Variants in DAAM2 observed in about 807,000 individuals in gnomAD.
The protein encoded by DAAM2 is dishevelled associated activator of morphogenesis 2, also known as disheveled-associated activator of morphogenesis 2.
A neutral mutation model predicts 120.7 loss-of-function variants in DAAM2; 39 were observed. The ratio of observed to expected loss-of-function variants is 0.32; its 90% CI spans 0.25 to 0.42. DAAM2 has a LOEUF of 0.42. DAAM2 is among the 10% of genes least tolerant of loss of function. DAAM2 has a pLI of 1.00. For synonymous variants in DAAM2, 488 were observed against 524.9 expected (o/e 0.93, Z 0.96); for missense variants, 1,283 against 1,401.7 (o/e 0.92, Z 1.35).
rs765416651 is a variant in DAAM2 at position 39,898,911 on chromosome 6, A to C, written c.2653A>C (p.Arg885=). ...ACTGGAGAAGGAGGTGGGCAACCTC[A>C]GGAGGGGCCTGAGAGCGGTGGAGGT... ...AELEKEVGNL[R]RGLRAVEVEL... Residue 885 remains arginine (R), a synonymous_variant, in exon 22 of 25, where the codon AGG becomes CGG. Transcript: ENST00000274867. The C allele has an allele frequency of 1.2e-5, 19 of 1,612,784 alleles. No homozygotes were observed. Among genetic ancestry groups the C allele is most frequent in the Non-Finnish European group, 1.6e-5 (19 of 1,179,520 alleles).
intron 15 of DAAM2, chr6:39,885,778 T>C (rs568239261): frequency 6.6e-6 from 1 of 152,372 alleles, no homozygotes; most frequent in South Asian, 2.1e-4. Context: ...CAGTTGGTTG[T>C]GGGGCAGGGG....
intron 1 of DAAM2, among the ~76,000 whole-genome samples, chr6:39,808,268 C>A (rs771767678): frequency 6.6e-6 from 1 of 152,250 alleles, no homozygotes; most frequent in South Asian, 2.1e-4. Flanking sequence ...AATTCTGGAG[C>A]CTTCTTTCTC....
intron 4 of DAAM2, 61 bp downstream of exon 4, chr6:39,864,568 TCCCCCAG>T: frequency 7.2e-7 from 1 of 1,398,160 alleles, no homozygotes; most frequent in Non-Finnish European, 9.9e-7. Context: ...AGGGAGTGAT[TCCCCCAG>T]CCCCCACCCC....
chr6:39,875,437 G>A lies in DAAM2; in HGVS notation c.1270G>A (p.Glu424Lys), dbSNP rs1200933772. The A allele has an allele frequency of 1.2e-6, 2 of 1,613,748 alleles. No homozygotes were observed. Among genetic ancestry groups the A allele is most frequent in the Admixed American group, 3.3e-5 (2 of 59,992 alleles). The change falls in exon 11 of 25, where the codon GAG becomes AAG. Residue 424 changes from glutamate to lysine, a missense_variant. Glu to Lys is a moderately conservative substitution (Grantham distance 56). Coordinates refer to ENST00000274867, the MANE Select transcript of DAAM2 (RefSeq NM_001201427.2). ...TGTGGACCCTGACCTGGCTCCCTTG[G>A]AGAACTTCAATGTCAAGAACATCGT... ...RGVDPDLAPL[E>K]NFNVKNIVNM... is the part of the protein sequence containing the mutation.
chr6:39,886,103 C>A, intron 15 of DAAM2: 1 of 294,250 alleles, frequency 3.4e-6, no homozygotes, highest in Non-Finnish European at 6.3e-6. Context: ...AAAGGAAGAA[C>A]AGGCAGCAAA....
chr6:39,875,276 G>A (rs1175843881), intron 10 of DAAM2, 54 bp from the exon 11 acceptor site: 3 of 1,579,696 alleles, frequency 1.9e-6, no homozygotes, highest in Non-Finnish European at 2.6e-6. Flanking sequence ...TCTAGGGTGG[G>A]GCCCAAGGGG....
In DAAM2 at chr6:39,856,325, A is replaced by C. The variant is rs201680252; in HGVS notation, c.23A>C (p.His8Pro). The C allele has an allele frequency of 6.7e-5, 103 of 1,547,576 alleles. No individual in the cohort carries two copies. Among genetic ancestry groups the C allele is most frequent in the Non-Finnish European group, 8.5e-5 (97 of 1,147,170 alleles). ...ACCATGGCCCCCCGCAAGAGGAGCC[A>C]CCATGGCCTGGGCTTCCTGTGCTGC... Reference protein sequence around the residue: MAPRKRSHHGLGFLCCFG... With the variant: MAPRKRSPHGLGFLCCFG... Residue 8 changes from histidine (H) to proline (P), a missense_variant, in exon 2 of 25, where the codon CAC becomes CCC. His to Pro is a moderately conservative substitution (Grantham distance 77). Transcript: ENST00000274867.
chr6:39,881,239 AG>A (rs11323047), intron 14 of DAAM2, among the ~76,000 whole-genome samples: 75,937 of 151,868 alleles, frequency 0.5, 19,625 homozygotes, highest in South Asian at 0.61. Context: ...TAGACTGGAG[AG>A]TGTGGGTTTG....
At chr6:39,877,179 G>A (rs1219265469) in intron 11 of DAAM2, among the ~76,000 whole-genome samples, 2 of 152,204 alleles carry the variant, frequency 1.3e-5, no homozygotes, top group African/African-American at 4.8e-5. Flanking sequence ...CCCTTGCACA[G>A]GACTGTGAAA....
intron 1 of DAAM2, among the ~76,000 whole-genome samples, chr6:39,807,376 A>C (rs559779543): frequency 6.6e-6 from 1 of 152,226 alleles, no homozygotes; most frequent in African/African-American, 2.4e-5. Context: ...TAAAGCATAA[A>C]ATTATGTTTG....
chr6:39,879,158 AT>A lies in DAAM2; in HGVS notation c.1546-15del, dbSNP rs1417463174. On this transcript the variant is annotated intron_variant, in intron 13 of 24. Coordinates refer to ENST00000274867, the MANE Select transcript of DAAM2 (RefSeq NM_001201427.2). ...CGGTGCTGATGGCTTTGTCCTTGCA[AT>A]TTTTCTGTTTCCTCACAGACAGGCC... 24 of 1,513,504 alleles carry A rather than the reference AT, an allele frequency of 1.6e-5. No individual in the cohort carries two copies. Among genetic ancestry groups the A allele is most frequent in the Non-Finnish European group, 2.1e-5 (24 of 1,125,632 alleles). 93.8% of individuals were successfully genotyped at this position (1,513,504 alleles called of 1,614,324 possible). A position where few individuals can be genotyped will look rare whatever the true frequency, so the allele number is the denominator to read the frequency against.
At chr6:39,898,745 A>G (rs1766283099) in intron 21 of DAAM2, 132 bp from the exon 22 acceptor site, 1 of 753,472 alleles carries the variant, frequency 1.3e-6, no homozygotes, top group African/African-American at 1.7e-5. Flanking sequence ...CAATGGCCAC[A>G]CCAGGGCTGG....
At position 39,897,155 on chromosome 6, in the gene DAAM2, G is replaced by T; in HGVS notation, c.2511-20G>T. 3 of 1,594,136 alleles carry T rather than the reference G, an allele frequency of 1.9e-6. No individual in the cohort carries two copies. In the South Asian group the frequency reaches 3.3e-5, roughly 18 times the overall value. On this transcript the variant is annotated intron_variant, in intron 20 of 24. Coordinates refer to ENST00000274867, the MANE Select transcript of DAAM2 (RefSeq NM_001201427.2). ...CCAGTTTCCTCTGTCACTTACCACT[G>T]ACCTGACTTTCATCCACAGAAACAT... is the stretch of plus-strand genomic sequence containing the variant.
At chr6:39,875,218 C>T in intron 10 of DAAM2, 112 bp from the exon 11 acceptor site, 1 of 1,173,572 alleles carries the variant, frequency 8.5e-7, no homozygotes. Flanking sequence ...GGGAGCTTAC[C>T]ATAGGTGGAG....
intron 1 of DAAM2, chr6:39,821,107 T>G (rs539328791): frequency 1.3e-5 from 2 of 152,394 alleles, no homozygotes; most frequent in East Asian, 3.9e-4. Context: ...TTATCCTCCC[T>G]TGCTCCTTCC....
intron 11 of DAAM2, among the ~76,000 whole-genome samples, chr6:39,876,619 C>G (rs1764878075): frequency 6.6e-6 from 1 of 152,056 alleles, no homozygotes; most frequent in Non-Finnish European, 1.5e-5. Context: ...ACTAGGAGGA[C>G]TAAAATCATG....
At chr6:39,808,711 A>G (rs1326818185) in intron 1 of DAAM2, among the ~76,000 whole-genome samples, 1 of 152,188 alleles carries the variant, frequency 6.6e-6, no homozygotes. Flanking sequence ...GTTGGCCCTG[A>G]GGGCCCTTGT....
At chr6:39,820,221 G>A (rs1762444653) in intron 1 of DAAM2, 1 of 152,138 alleles carries the variant, frequency 6.6e-6, no homozygotes, top group South Asian at 2.1e-4. Flanking sequence ...GGACCATGTG[G>A]GGGAAGCTGC....
At chr6:39,858,479 G>A (rs1764091643) in intron 2 of DAAM2, among the ~76,000 whole-genome samples, 1 of 152,138 alleles carries the variant, frequency 6.6e-6, no homozygotes, top group South Asian at 2.1e-4. Flanking sequence ...AGAATACCCT[G>A]GTTTCTGACA....
Sources: allele counts gnomAD v4.1 joint callset (sites outside exome capture counted in the v4.1 genomes callset), GRCh38; gene constraint gnomAD v4.1.1; transcripts MANE v1.5; gene names NCBI Gene and HGNC (gene_info 2026-07-23, HGNC 2026-07-21).